SERGEF: variants seen among roughly 807,000 people sequenced by gnomAD.
SERGEF encodes the protein secretion-regulating guanine nucleotide exchange factor.
In SERGEF, 51 loss-of-function variants were observed where a neutral mutation model predicts 50.0. The ratio of observed to expected loss-of-function variants is 1.02; its 90% CI spans 0.81 to 1.29. The LOEUF is 1.29. Ranked by LOEUF, SERGEF falls within the 50% of genes most tolerant of loss-of-function variation. SERGEF has a pLI of 0.00. For missense variants in SERGEF, 521 were observed against 557.0 expected (o/e 0.94, Z 0.65); for synonymous variants, 205 against 212.4 (o/e 0.97, Z 0.30).
chr11:17,975,080 C>T (rs1853341223), intron 8 of SERGEF, among the ~76,000 whole-genome samples: 1 of 152,210 alleles, frequency 6.6e-6, no homozygotes, highest in African/African-American at 2.4e-5. Context: ...CACACAGTAA[C>T]TTTCCAGTTT....
At chr11:17,870,823 T>A (rs1028853203) in intron 10 of SERGEF, among the ~76,000 whole-genome samples, 3 of 152,172 alleles carry the variant, frequency 2.0e-5, no homozygotes, top group African/African-American at 7.2e-5. Flanking sequence ...TAATGCTAGA[T>A]ATCAAGATTT....
chr11:17,918,625 G>GAC (rs141971282), intron 9 of SERGEF: 64,668 of 306,730 alleles, frequency 0.21, 4,503 homozygotes, highest in Non-Finnish European at 0.24. Flanking sequence ...AGCAGGAACA[G>GAC]ACACACACAC....
At chr11:17,988,192 A>G (rs1241088026) in intron 8 of SERGEF, among the ~76,000 whole-genome samples, 1 of 152,216 alleles carries the variant, frequency 6.6e-6, no homozygotes, top group Non-Finnish European at 1.5e-5. Flanking sequence ...AATCAAAATA[A>G]TGTTCCTACC....
chr11:17,998,068 TAAAA>T (rs1285666828), intron 5 of SERGEF, among the ~76,000 whole-genome samples: 1 of 151,974 alleles, frequency 6.6e-6, no homozygotes, highest in Non-Finnish European at 1.5e-5. Context: ...AATAATTTTT[TAAAA>T]AAAGAAAGAA....
At chr11:17,886,821 A>T (rs911249687) in intron 9 of SERGEF, among the ~76,000 whole-genome samples, 15 of 152,136 alleles carry the variant, frequency 9.9e-5, no homozygotes, top group Admixed American at 4.6e-4. Context: ...TGCCCTTCTA[A>T]GGGAATGTCT....
intron 4 of SERGEF, 147 bp downstream of exon 4, chr11:18,004,294 C>T: frequency 1.8e-6 from 1 of 540,654 alleles, no homozygotes; most frequent in South Asian, 2.9e-5. Context: ...CTTAATTTTT[C>T]CCAGAAGGAC....
chr11:18,007,458 T>A (rs1407432883), intron 2 of SERGEF, among the ~76,000 whole-genome samples: 1 of 152,178 alleles, frequency 6.6e-6, no homozygotes, highest in Non-Finnish European at 1.5e-5. Context: ...GAGATTTGAT[T>A]CCAGAGCTCA....
chr11:17,847,364 A>G (rs1195322600), intron 10 of SERGEF, among the ~76,000 whole-genome samples: 1 of 152,158 alleles, frequency 6.6e-6, no homozygotes, highest in Non-Finnish European at 1.5e-5. Flanking sequence ...GAAGGGGGAC[A>G]GGGAGGGGCA....
At chr11:17,831,585 A>G (rs1850309400) in intron 10 of SERGEF, among the ~76,000 whole-genome samples, 6 of 152,246 alleles carry the variant, frequency 3.9e-5, no homozygotes, top group Admixed American at 2.6e-4. Flanking sequence ...CAGGTTCTGG[A>G]AAAGAATTAG....
At chr11:18,009,662 G>A (rs1854156771) in intron 1 of SERGEF, among the ~76,000 whole-genome samples, 1 of 152,150 alleles carries the variant, frequency 6.6e-6, no homozygotes, top group Admixed American at 6.5e-5. Context: ...GTGACTCCAA[G>A]ATTCACATGG....
chr11:17,950,482 G>A (rs1054545926), intron 9 of SERGEF, among the ~76,000 whole-genome samples: 4 of 152,218 alleles, frequency 2.6e-5, no homozygotes, highest in Admixed American at 1.3e-4. Flanking sequence ...AAAGAGCATA[G>A]TGCAATCAGA....
chr11:17,819,379 A>T (rs1032613107), intron 10 of SERGEF, among the ~76,000 whole-genome samples: 1 of 152,202 alleles, frequency 6.6e-6, no homozygotes, highest in African/African-American at 2.4e-5. Flanking sequence ...GAGTTTTTTG[A>T]TTAAATGAAA....
Position 17,959,604 on chromosome 11 carries a change from C to A in SERGEF, c.877G>T (p.Asp293Tyr). The A allele has an allele frequency of 6.2e-7, 1 of 1,613,052 alleles. No individual in the cohort carries two copies. Among genetic ancestry groups the A allele is most frequent in the Non-Finnish European group, 8.5e-7 (1 of 1,179,682 alleles). ...AACTTCCTCCCTAGCTGACCATAGT[C>A]TGCTCGGCCCCAGGTAAACATCTTG... ...TGKMFTWGRA[D>Y]YGQLGRKLET... The change falls in exon 9 of 11, where the codon GAC becomes TAC. Residue 293 changes from aspartate (D) to tyrosine (Y), a missense_variant. By Grantham distance (160) the Asp-to-Tyr change is radical (BLOSUM62 -3). Coordinates refer to ENST00000265965, the MANE Select transcript of SERGEF (RefSeq NM_012139.4).
intron 9 of SERGEF, among the ~76,000 whole-genome samples, chr11:17,907,570 A>T (rs937820905): frequency 6.6e-6 from 1 of 152,212 alleles, no homozygotes; most frequent in African/African-American, 2.4e-5. Context: ...CTTTTGAGAT[A>T]GCTCCGCAAA....
Position 18,006,707 on chromosome 11 carries a change from C to T in SERGEF, c.236G>A (p.Gly79Glu). The T allele has an allele frequency of 1.2e-6, 2 of 1,614,126 alleles. No homozygotes were observed. Among genetic ancestry groups the T allele is most frequent in the Non-Finnish European group, 1.7e-6 (2 of 1,180,030 alleles). The stretch of plus-strand genomic sequence containing the variant: ...CTCTGTGTGACCAAGCCCCAGTTGC[C>T]CATCTTTGTTCAGGCCACAAACAAA... ...DLFVCGLNKD[G>E]QLGLGHTEDI... is the part of the protein sequence containing the mutation. Residue 79 changes from glycine (G) to glutamate (E), a missense_variant, in exon 3 of 11, where the codon GGG (glycine) becomes GAG (glutamate). By Grantham distance (98) the Gly-to-Glu change is moderately conservative. Coordinates refer to ENST00000265965, the MANE Select transcript of SERGEF (RefSeq NM_012139.4).
At chr11:17,872,031 A>T (rs1376267188) in intron 10 of SERGEF, among the ~76,000 whole-genome samples, 1 of 152,266 alleles carries the variant, frequency 6.6e-6, no homozygotes, top group Non-Finnish European at 1.5e-5. Flanking sequence ...TTAAATGGTT[A>T]AATAAGTTGT....
At chr11:17,841,713 T>G (rs974670696) in intron 10 of SERGEF, among the ~76,000 whole-genome samples, 2 of 152,208 alleles carry the variant, frequency 1.3e-5, no homozygotes, top group Non-Finnish European at 2.9e-5. Flanking sequence ...ACTATGAGCT[T>G]AGAATAAAAA....
At chr11:17,936,646 C>T (rs1370267608) in intron 9 of SERGEF, among the ~76,000 whole-genome samples, 1 of 152,110 alleles carries the variant, frequency 6.6e-6, no homozygotes, top group Non-Finnish European at 1.5e-5. Context: ...CTGATCCAAA[C>T]GTGGCTCCAG....
intron 8 of SERGEF, among the ~76,000 whole-genome samples, chr11:17,966,886 T>C (rs189331912): frequency 2.6e-5 from 4 of 152,356 alleles, no homozygotes; most frequent in South Asian, 4.1e-4. Flanking sequence ...ATAAAACTGC[T>C]TTAGGCACTA....
Sources: gnomAD v4.1 joint callset for allele counts (sites outside exome capture counted in the v4.1 genomes callset) on GRCh38, gnomAD v4.1.1 for gene constraint, MANE v1.5 for transcripts, NCBI Gene and HGNC (gene_info 2026-07-23, HGNC 2026-07-21) for gene names.